Variants in ZBBX observed in about 807,000 individuals in gnomAD.
The protein encoded by ZBBX is zinc finger B-box domain containing.
ZBBX carries 101 observed loss-of-function variants against 108.5 expected under a neutral mutation model. The ratio of observed to expected loss-of-function variants is 0.93; its 90% CI spans 0.79 to 1.10. The LOEUF is 1.10. Ranked by LOEUF, ZBBX falls within the 50% of genes least tolerant of loss-of-function variation. ZBBX has a pLI of 0.00. For missense variants in ZBBX, 1,009 were observed against 941.4 expected (o/e 1.07, Z -0.94); for synonymous variants, 356 against 323.4 (o/e 1.10, Z -1.08).
the ZBBX span, among the ~76,000 whole-genome samples, chr3:167,205,961 G>T: frequency 1.3e-5 from 2 of 151,974 alleles, no homozygotes; most frequent in African/African-American, 4.8e-5. Context: ...AATACTTAAC[G>T]ATCAATCATC....
chr3:167,203,734 TTTC>T, the ZBBX span, among the ~76,000 whole-genome samples: 2,000 of 152,286 alleles, frequency 0.013, 53 homozygotes, highest in African/African-American at 0.046. Context: ...ATTTATTTTG[TTTC>T]TTTTTATTTT....
chr3:167,247,442 A>G (rs1041518895), intron 20 of ZBBX, among the ~76,000 whole-genome samples: 1 of 151,992 alleles, frequency 6.6e-6, no homozygotes, highest in Non-Finnish European at 1.5e-5. Flanking sequence ...CACTCAATAA[A>G]ACTTTGCACT....
intron 18 of ZBBX, 29 bp from the exon 19 acceptor site, chr3:167,289,012 A>C (rs1164721346): frequency 2.7e-6 from 4 of 1,464,548 alleles, no homozygotes; most frequent in Admixed American, 2.2e-5. Flanking sequence ...AAGATAACAT[A>C]AAGTTTGAAA....
chr3:167,250,532 C>CT (rs11438021), intron 20 of ZBBX, among the ~76,000 whole-genome samples: 115,030 of 145,558 alleles, frequency 0.79, 45,557 homozygotes, highest in African/African-American at 0.9. Flanking sequence ...CCTTATAAAA[C>CT]TTTTTTTTTT....
At chr3:167,335,391 C>T (rs1739385078) in intron 9 of ZBBX, among the ~76,000 whole-genome samples, 1 of 152,066 alleles carries the variant, frequency 6.6e-6, no homozygotes, top group African/African-American at 2.4e-5. Context: ...GAAGGGTTTT[C>T]TATCAGAAAC....
At chr3:167,322,322 T>C in intron 11 of ZBBX, 85 bp from the exon 12 acceptor site, 1 of 1,177,654 alleles carries the variant, frequency 8.5e-7, no homozygotes, top group Non-Finnish European at 1.1e-6. Context: ...GAACTCATCA[T>C]TTTTGGGGCA....
At chr3:167,368,802 T>C in intron 4 of ZBBX, 1 of 1,027,002 alleles carries the variant, frequency 9.7e-7, no homozygotes, top group Non-Finnish European at 1.2e-6. Context: ...AATTATTACA[T>C]TGCTAGGGGT....
Position 167,259,248 on chromosome 3 carries a change from T to C in ZBBX, c.2255-16605A>G, listed in dbSNP as rs766586388. On this transcript the variant is annotated intron_variant, in intron 20 of 21. Transcript: ENST00000675490. ...TATCCATGTATTCTAGGTTTTCTAG[T>C]TTATGCGGGTAAAGCTGTTCTTAGC... 3.8e-4 allele frequency among the ~76,000 whole-genome samples: 58 copies of C among 152,210 alleles called. 1 individual carries two copies. Among genetic ancestry groups the C allele is most frequent in the Admixed American group, 2.6e-3 (39 of 15,282 alleles).
chr3:167,348,519 T>C (rs575423457), intron 9 of ZBBX, among the ~76,000 whole-genome samples: 1 of 151,780 alleles, frequency 6.6e-6, no homozygotes, highest in East Asian at 1.9e-4. Flanking sequence ...TGTGAAGTGA[T>C]AGAAACATTC....
chr3:167,178,854 G>A, the ZBBX span, among the ~76,000 whole-genome samples: 5 of 152,122 alleles, frequency 3.3e-5, no homozygotes, highest in South Asian at 4.2e-4. Flanking sequence ...AGATTCAATC[G>A]CATATGTGGT....
intron 20 of ZBBX, among the ~76,000 whole-genome samples, chr3:167,242,869 A>ATACAT (rs1230443211): frequency 1.3e-5 from 2 of 152,114 alleles, no homozygotes; most frequent in African/African-American, 4.8e-5. Flanking sequence ...ATTTGTAAAT[A>ATACAT]TACATTACAT....
chr3:167,314,248 T>C lies in ZBBX; in HGVS notation c.1275-132A>G, dbSNP rs192717944. 1,769 of 671,798 alleles carry C rather than the reference T, an allele frequency of 2.6e-3. 28 individuals carry two copies. In the African/African-American group the frequency reaches 0.029, roughly 11 times the overall value. 41.6% of individuals were successfully genotyped at this position (671,798 alleles called of 1,614,324 possible). ...GGGTTATTTACATTAATTTAATATT[T>C]ATTTTAACCTTATGTGAACACATTC... On this transcript the variant is annotated intron_variant, in intron 15 of 21. Transcript: ENST00000675490.
At chr3:167,252,025 G>A in intron 20 of ZBBX, 1 of 673,754 alleles carries the variant, frequency 1.5e-6, no homozygotes, top group Non-Finnish European at 2.2e-6. Flanking sequence ...AGAATCCAAG[G>A]AGAAACTGTT....
At chr3:167,346,418 GTA>G in intron 9 of ZBBX, among the ~76,000 whole-genome samples, 1 of 151,892 alleles carries the variant, frequency 6.6e-6, no homozygotes, top group East Asian at 1.9e-4. Context: ...GTAAAACAAG[GTA>G]TGCTGATACA....
intron 17 of ZBBX, among the ~76,000 whole-genome samples, chr3:167,298,792 G>C (rs150312745): frequency 6.6e-6 from 1 of 151,910 alleles, no homozygotes; most frequent in Admixed American, 6.6e-5. Context: ...ACTTTCACAC[G>C]CAGTGGCTTT....
At position 167,328,440 on chromosome 3, in the gene ZBBX, C is replaced by T. The variant is rs1450941684; in HGVS notation, c.688-324G>A. On this transcript the variant is annotated intron_variant, in intron 10 of 21. Coordinates refer to ENST00000675490, the MANE Select transcript of ZBBX (RefSeq NM_001199201.2). The stretch of plus-strand genomic sequence containing the variant: ...AATTGCCTTGTATCCATTCTCCCTA[C>T]GCCTCCAATCTCCTACTCCCCGCAA... 5.9e-5 allele frequency among the ~76,000 whole-genome samples: 9 copies of T among 151,854 alleles called. 1 individual carries two copies. The highest frequency in any genetic ancestry group is 1.3e-4 in the Admixed American group (2 of 15,230).
intron 6 of ZBBX, among the ~76,000 whole-genome samples, chr3:167,364,784 C>T (rs1024331185): frequency 3.3e-5 from 5 of 151,980 alleles, no homozygotes; most frequent in Non-Finnish European, 7.4e-5. Flanking sequence ...CTATGTTTTA[C>T]AAATCCTAGG....
intron 10 of ZBBX, among the ~76,000 whole-genome samples, chr3:167,328,546 T>G (rs1737824394): frequency 1.3e-5 from 2 of 152,110 alleles, no homozygotes; most frequent in South Asian, 4.1e-4. Context: ...CTCTGTTGAC[T>G]GTCTATGAAA....
chr3:167,251,832 G>A (rs1404878154), intron 20 of ZBBX, among the ~76,000 whole-genome samples: 2 of 151,732 alleles, frequency 1.3e-5, no homozygotes, highest in African/African-American at 2.4e-5. Context: ...TGGTGGTTTC[G>A]TTTCAAACCA....
Sources: gnomAD v4.1 joint callset for allele counts (sites outside exome capture counted in the v4.1 genomes callset) on GRCh38, gnomAD v4.1.1 for gene constraint, MANE v1.5 for transcripts, NCBI Gene and HGNC (gene_info 2026-07-23, HGNC 2026-07-21) for gene names.